The following TBC1D15 variants were observed in gnomAD, a reference collection of about 807,000 sequenced individuals.
TBC1D15 encodes the protein TBC1 domain family member 15.
In TBC1D15, 39 loss-of-function variants were observed where a neutral mutation model predicts 95.4. The ratio of observed to expected loss-of-function variants is 0.41; its 90% confidence interval spans 0.32 to 0.53. The LOEUF (loss-of-function observed/expected upper bound fraction) is 0.53. Among genes scored for constraint, TBC1D15 ranks in the 20% least tolerant of loss-of-function variants. The probability of loss-of-function intolerance (pLI) is 0.29; values close to 1 mark genes in which losing one functional copy is unlikely to be tolerated. For missense variants in TBC1D15, 733 were observed against 794.3 expected, an observed-to-expected ratio of 0.92 and a Z score of 0.93; for synonymous variants, 258 against 261.3, an observed-to-expected ratio of 0.99 and a Z score of 0.12.
chr12:71,917,633 A>G, intron 12 of TBC1D15, 65 bp from the exon 13 acceptor site: 2 of 1,055,056 alleles, frequency 1.9e-6, no homozygotes, highest in Middle Eastern at 3.1e-4. Flanking sequence ...TGTTTTAGTT[A>G]TCAGTCATTA....
chr12:71,873,484 T>C (rs990259714), intron 3 of TBC1D15, among the ~76,000 whole-genome samples: 2 of 152,202 alleles, frequency 1.3e-5, no homozygotes. Context: ...TTGATGGACA[T>C]TTGGGTTGTT....
chr12:71,843,703 C>T (rs1046599913), intron 1 of TBC1D15, among the ~76,000 whole-genome samples: 3 of 152,060 alleles, frequency 2.0e-5, no homozygotes, highest in Non-Finnish European at 2.9e-5. Flanking sequence ...GGCTGGAGTG[C>T]AGTGGTGTGA....
intron 12 of TBC1D15, 37 bp downstream of exon 12, chr12:71,913,963 A>C: frequency 6.8e-7 from 1 of 1,464,448 alleles, no homozygotes. Context: ...ACTGATTTTT[A>C]AAATTTTAGT....
intron 10 of TBC1D15, among the ~76,000 whole-genome samples, chr12:71,901,130 C>T (rs746110350): frequency 6.6e-6 from 1 of 152,114 alleles, no homozygotes; most frequent in Non-Finnish European, 1.5e-5. Flanking sequence ...AAAGGATACT[C>T]CAGCCTCAGC....
At chr12:71,857,652 A>G (rs1889400511) in intron 1 of TBC1D15, among the ~76,000 whole-genome samples, 1 of 152,232 alleles carries the variant, frequency 6.6e-6, no homozygotes, top group African/African-American at 2.4e-5. Flanking sequence ...ATAATGTGTA[A>G]TCAAATCTTA....
intron 10 of TBC1D15, among the ~76,000 whole-genome samples, chr12:71,903,952 GAC>G (rs1592801682): frequency 6.6e-6 from 1 of 152,146 alleles, no homozygotes; most frequent in East Asian, 1.9e-4. Context: ...AAACCCCCAT[GAC>G]ACACCATTTA....
chr12:71,901,946 A>G (rs1158381436), intron 10 of TBC1D15, among the ~76,000 whole-genome samples: 1 of 152,194 alleles, frequency 6.6e-6, no homozygotes, highest in Non-Finnish European at 1.5e-5. Context: ...TACACCAACA[A>G]CGTCCAAGCC....
chr12:71,908,710 T>G (rs1379822152), intron 11 of TBC1D15, among the ~76,000 whole-genome samples: 1 of 152,180 alleles, frequency 6.6e-6, no homozygotes, highest in Non-Finnish European at 1.5e-5. Context: ...TGCAAGAATA[T>G]TAATAGAGTG....
At chr12:71,895,751 T>G (rs1384899429) in intron 7 of TBC1D15, among the ~76,000 whole-genome samples, 196 bp from the exon 8 acceptor site, 1 of 152,146 alleles carries the variant, frequency 6.6e-6, no homozygotes, top group Admixed American at 6.6e-5. Context: ...TAACCCAGTT[T>G]GTTGTGTGTT....
chr12:71,854,694 T>C lies in TBC1D15; in HGVS notation c.30+14883T>C, dbSNP rs528686901. The C allele has an allele frequency of 3.3e-5, 15 of 455,746 alleles. No homozygotes were observed. In the East Asian group the frequency reaches 1.0e-3, roughly 32 times the overall value. The allele number at this position is 455,746 out of a possible 1,614,324, so 28.2% of individuals were successfully genotyped here. ...TGGTTTTATACCAGTTTGTAATTTG[T>C]ATTAAAGTGTCTTTTTTCTTCCTTC... On this transcript the variant is annotated intron_variant, in intron 1 of 16. Coordinates refer to ENST00000485960, the MANE Select transcript of TBC1D15 (RefSeq NM_001146213.3).
intron 1 of TBC1D15, among the ~76,000 whole-genome samples, chr12:71,866,999 A>G (rs73351250): frequency 0.027 from 4,184 of 152,308 alleles, 195 homozygotes; most frequent in African/African-American, 0.094. Context: ...TATGAATAAA[A>G]CATAAGATCA....
chr12:71,858,969 A>ATT (rs35114715), intron 1 of TBC1D15, among the ~76,000 whole-genome samples: 7 of 137,338 alleles, frequency 5.1e-5, no homozygotes, highest in South Asian at 2.3e-4. Context: ...CCTCACCAGC[A>ATT]TTTTTTTTTT....
intron 1 of TBC1D15, chr12:71,854,476 T>G (rs921470726): frequency 2.2e-6 from 1 of 449,860 alleles, no homozygotes; most frequent in Non-Finnish European, 4.5e-6. Context: ...TTATGAACTC[T>G]TAAGATGGTT....
intron 10 of TBC1D15, among the ~76,000 whole-genome samples, chr12:71,903,771 A>G (rs1274504735): frequency 1.3e-5 from 2 of 152,208 alleles, no homozygotes; most frequent in African/African-American, 4.8e-5. Flanking sequence ...AACCAATACC[A>G]CATGTTCTCA....
intron 1 of TBC1D15, among the ~76,000 whole-genome samples, chr12:71,858,796 A>G (rs1889722981): frequency 1.3e-5 from 2 of 151,972 alleles, no homozygotes; most frequent in Admixed American, 1.3e-4. Context: ...AGCTCAAGCC[A>G]TCTGTCCGCC....
chr12:71,905,467 AG>A (rs1407920807), intron 10 of TBC1D15, among the ~76,000 whole-genome samples: 2 of 152,108 alleles, frequency 1.3e-5, no homozygotes, highest in African/African-American at 2.4e-5. Flanking sequence ...CTGGTACCAC[AG>A]GCAGGCGTCA....
At chr12:71,875,900 C>T (rs757469190) in intron 3 of TBC1D15, among the ~76,000 whole-genome samples, 2 of 151,964 alleles carry the variant, frequency 1.3e-5, no homozygotes, top group Admixed American at 6.6e-5. Flanking sequence ...TGGGTTCAAG[C>T]GATTTTTCTG....
At chr12:71,862,422 T>C (rs1168164424) in intron 1 of TBC1D15, among the ~76,000 whole-genome samples, 1 of 152,220 alleles carries the variant, frequency 6.6e-6, no homozygotes, top group African/African-American at 2.4e-5. Context: ...CCTTTTTCAT[T>C]ATATAATAAC....
rs533180064 is a variant in TBC1D15 at position 71,911,375 on chromosome 12, A to C, written c.1301-2451A>C. Among the ~76,000 whole-genome samples the C allele has an allele frequency of 7.2e-3, 1,103 of 152,190 alleles. 6 individuals are homozygous for C. The highest frequency in any genetic ancestry group is 0.011 in the Non-Finnish European group (773 of 68,010). The stretch of plus-strand genomic sequence containing the variant: ...ATAGCAAAGACTTGGAACCAATCCA[A>C]ATGTCCAATAATGATAGACTGGATT... On this transcript the variant is annotated intron_variant, in intron 11 of 16. Coordinates refer to ENST00000485960, the MANE Select transcript of TBC1D15 (RefSeq NM_001146213.3).
Sources: allele counts gnomAD v4.1 joint callset (sites outside exome capture counted in the v4.1 genomes callset), GRCh38; gene constraint gnomAD v4.1.1; transcripts MANE v1.5; gene names NCBI Gene and HGNC (gene_info 2026-07-23, HGNC 2026-07-21).